The following COL22A1 variants were observed in gnomAD, a reference collection of about 807,000 sequenced individuals.
COL22A1 encodes collagen alpha-1(XXII) chain.
COL22A1 carries 221 observed loss-of-function variants against 248.9 expected under a neutral mutation model. That is an observed-to-expected ratio of 0.89 (90% CI 0.80 to 0.99). COL22A1 has a LOEUF of 0.99. Ranked by LOEUF, COL22A1 falls within the 50% of genes least tolerant of loss-of-function variation. The probability of loss-of-function intolerance (pLI) is 0.00; values close to 1 mark genes in which losing one functional copy is unlikely to be tolerated. For missense variants in COL22A1, 2,240 were observed against 2,179.0 expected, an observed-to-expected ratio of 1.03 and a Z score of -0.56; for synonymous variants, 891 against 793.4, an observed-to-expected ratio of 1.12 and a Z score of -2.07.
chr8:138,602,753 A>T (rs7017350), intron 59 of COL22A1, among the ~76,000 whole-genome samples: 2 of 151,836 alleles, frequency 1.3e-5, no homozygotes, highest in Non-Finnish European at 2.9e-5. Context: ...GACACGGCCC[A>T]CAGTGCCCAC....
chr8:138,877,899 A>ATGCCAGCGCGGTGGGC lies in COL22A1; in HGVS notation c.493_508dup (p.Ile170SerfsTer55), dbSNP rs1266708279. On this transcript the variant is annotated frameshift_variant, in exon 3 of 65. Transcript: ENST00000303045. LOFTEE classifies it high-confidence loss of function. ...GCCCACGCCCACGGCAAAGATGCGG[A>ATGCCAGCGCGGTGGGC]TGCCAGCGCGGTGGGCTGCCGCCGC... 1 of 1,611,480 alleles carries ATGCCAGCGCGGTGGGC rather than the reference A, an allele frequency of 6.2e-7. No homozygotes were observed. The highest frequency in any genetic ancestry group is 8.5e-7 in the Non-Finnish European group (1 of 1,179,124).
intron 45 of COL22A1, among the ~76,000 whole-genome samples, chr8:138,652,614 A>G (rs1822839793): frequency 6.6e-6 from 1 of 152,102 alleles, no homozygotes; most frequent in Non-Finnish European, 1.5e-5. Context: ...AAATTTAAAT[A>G]AAATAATGCA....
intron 62 of COL22A1, 62 bp from the exon 63 acceptor site, chr8:138,594,261 G>T (rs1047038618): frequency 6.9e-6 from 10 of 1,442,068 alleles, no homozygotes; most frequent in Non-Finnish European, 9.3e-6. Flanking sequence ...GGACAGGATG[G>T]CTACTCACTG....
chr8:138,688,032 C>T (rs1384982652), intron 37 of COL22A1, among the ~76,000 whole-genome samples: 2 of 152,224 alleles, frequency 1.3e-5, no homozygotes, highest in African/African-American at 2.4e-5. Flanking sequence ...GGTCCAAACG[C>T]TGAATCATTC....
Position 138,802,921 on chromosome 8 carries a change from G to C in COL22A1, c.1508C>G (p.Ala503Gly), listed in dbSNP as rs1554630443. Residue 503 changes from alanine to glycine, a missense_variant, in exon 11 of 65, where the codon GCC becomes GGC. By Grantham distance (60) the Ala-to-Gly change is moderately conservative (BLOSUM62 0). Coordinates refer to ENST00000303045, the MANE Select transcript of COL22A1 (RefSeq NM_152888.3). Reference protein sequence around the residue: ...GLPGPKGDIGAIGPVGAPGPK... With the variant: ...GLPGPKGDIGGIGPVGAPGPK... ...TCCAGGAGCGCCAACCGGCCCAATG[G>C]CTCCTATGTCTCCCTGAGGGGTTGA... 2.5e-6 allele frequency: 4 copies of C among 1,613,794 alleles called. No individual in the cohort carries two copies. The highest frequency in any genetic ancestry group is 3.4e-6 in the Non-Finnish European group (4 of 1,179,688).
intron 32 of COL22A1, among the ~76,000 whole-genome samples, chr8:138,697,771 C>T (rs1827626164): frequency 6.6e-6 from 1 of 152,240 alleles, no homozygotes; most frequent in African/African-American, 2.4e-5. Context: ...AGGCATGTGC[C>T]TGAGCAGAGC....
intron 11 of COL22A1, 63 bp downstream of exon 11, chr8:138,802,809 G>T: frequency 1.6e-6 from 2 of 1,283,882 alleles, no homozygotes; most frequent in South Asian, 1.2e-5. Flanking sequence ...ATGATCGGAG[G>T]GCCCTGGGTC....
chr8:138,745,858 A>C (rs1004508909), intron 22 of COL22A1, among the ~76,000 whole-genome samples: 1 of 152,134 alleles, frequency 6.6e-6, no homozygotes, highest in Non-Finnish European at 1.5e-5. Flanking sequence ...AGCATCTCTC[A>C]TTTCAACTAG....
At chr8:138,670,516 C>T (rs921767430) in intron 41 of COL22A1, among the ~76,000 whole-genome samples, 1 of 152,124 alleles carries the variant, frequency 6.6e-6, no homozygotes, top group Admixed American at 6.5e-5. Flanking sequence ...AGAATCTAGC[C>T]AGCCTAATTC....
At chr8:138,639,103 G>A (rs576551747) in intron 47 of COL22A1, among the ~76,000 whole-genome samples, 15 of 152,280 alleles carry the variant, frequency 9.9e-5, no homozygotes, top group Middle Eastern at 3.4e-3. Context: ...ATCTTGAACT[G>A]ATGCAAAAAT....
chr8:138,677,089 C>T (rs1401894626), intron 40 of COL22A1, among the ~76,000 whole-genome samples: 1 of 152,210 alleles, frequency 6.6e-6, no homozygotes, highest in African/African-American at 2.4e-5. Context: ...TTTTGCACAT[C>T]ATCCTTCTGG....
At chr8:138,814,796 G>A (rs1341046875) in intron 7 of COL22A1, among the ~76,000 whole-genome samples, 1 of 152,100 alleles carries the variant, frequency 6.6e-6, no homozygotes. Context: ...TTTGCTGGGG[G>A]AGATGGGATA....
rs186628159 is a variant in COL22A1, at chr8:138,819,796, C to T, written c.1245+1340G>A. On this transcript the variant is annotated intron_variant, in intron 7 of 64. Coordinates refer to ENST00000303045, the MANE Select transcript of COL22A1 (RefSeq NM_152888.3). ...CATACATACACACATATAAAGGTCA[C>T]TTTCTAGAGCAATTTGAAATACATG... is the stretch of plus-strand genomic sequence containing the variant. Among the ~76,000 whole-genome samples, 4 of 151,106 alleles carry T rather than the reference C, an allele frequency of 2.6e-5. No individual in the cohort carries two copies. In the East Asian group the frequency reaches 7.7e-4, roughly 29 times the overall value.
intron 4 of COL22A1, among the ~76,000 whole-genome samples, chr8:138,842,428 C>T (rs1384921732): frequency 6.6e-6 from 1 of 152,112 alleles, no homozygotes; most frequent in Non-Finnish European, 1.5e-5. Flanking sequence ...CCCAAAGCCA[C>T]AGGTATATAA....
At chr8:138,618,144 T>G (rs1436722704) in intron 53 of COL22A1, among the ~76,000 whole-genome samples, 1 of 152,130 alleles carries the variant, frequency 6.6e-6, no homozygotes, top group Non-Finnish European at 1.5e-5. Context: ...TTACGACCAC[T>G]CTGCAAGAAT....
chr8:138,788,742 T>TA (rs111496790), intron 12 of COL22A1, among the ~76,000 whole-genome samples: 1,809 of 152,282 alleles, frequency 0.012, 41 homozygotes, highest in African/African-American at 0.04. Context: ...ATTTGGTTTA[T>TA]AAAAAAATGG....
intron 11 of COL22A1, among the ~76,000 whole-genome samples, chr8:138,799,538 C>G (rs1368363478): frequency 2.0e-5 from 3 of 152,148 alleles, no homozygotes; most frequent in African/African-American, 4.8e-5. Flanking sequence ...TCCCCCTTCC[C>G]CAGTGTTCAT....
At chr8:138,805,757 T>C (rs1446752652) in intron 10 of COL22A1, among the ~76,000 whole-genome samples, 2 of 144,612 alleles carry the variant, frequency 1.4e-5, no homozygotes, top group Admixed American at 1.4e-4. Context: ...TGTGTGTGTG[T>C]GTAATGGTAT....
intron 3 of COL22A1, among the ~76,000 whole-genome samples, chr8:138,858,340 T>G (rs978297384): frequency 4.6e-5 from 7 of 152,112 alleles, no homozygotes; most frequent in African/African-American, 1.7e-4. Flanking sequence ...TACTGGAATT[T>G]TTTTTCTTTT....
Sources: gnomAD v4.1 joint callset for allele counts (sites outside exome capture counted in the v4.1 genomes callset) on GRCh38, gnomAD v4.1.1 for gene constraint, MANE v1.5 for transcripts, NCBI Gene and HGNC (gene_info 2026-07-23, HGNC 2026-07-21) for gene names.